Variants in TRIOBP observed in about 807,000 individuals in gnomAD.
TRIOBP encodes the protein TRIO and F-actin binding protein, also known as TRIO and F-actin-binding protein.
A neutral mutation model predicts 238.8 loss-of-function variants in TRIOBP; 169 were observed. That is an observed-to-expected ratio of 0.71 (90% confidence interval 0.62 to 0.80). The LOEUF is 0.80. Ranked by LOEUF, TRIOBP falls within the 30% of genes least tolerant of loss-of-function variation. The pLI, the probability that TRIOBP is intolerant of heterozygous loss-of-function variation, is 0.00. For missense variants in TRIOBP, 2,838 were observed against 3,122.6 expected (o/e 0.91, Z 2.17); for synonymous variants, 1,150 against 1,274.4 (o/e 0.90, Z 2.08).
intron 6 of TRIOBP, 120 bp from the exon 7 acceptor site, chr22:37,723,065 C>T: frequency 1.1e-6 from 1 of 951,944 alleles, no homozygotes; most frequent in Non-Finnish European, 1.6e-6. Flanking sequence ...GACAGTGAGA[C>T]CTGTAGGAGG....
intron 9 of TRIOBP, 104 bp downstream of exon 9, chr22:37,735,546 C>A: frequency 7.4e-7 from 1 of 1,353,416 alleles, no homozygotes. Context: ...CTCCTGCATC[C>A]CCCTCCAGGC....
At chr22:37,706,509 G>A (rs1023041686) in intron 3 of TRIOBP, among the ~76,000 whole-genome samples, 2 of 152,076 alleles carry the variant, frequency 1.3e-5, no homozygotes, top group African/African-American at 4.8e-5. Context: ...CAAGAGAGGG[G>A]GCCAGGCACA....
At position 37,756,460 on chromosome 22, in the gene TRIOBP, C is replaced by T. The variant is rs373146621; in HGVS notation, c.5687+801C>T. ...TAGGTTTCAGAGTCCCCATCTGTCA[C>T]GTTAGCATGTCATGTCTGTACATGT... On this transcript the variant is annotated intron_variant, in intron 15 of 23. Transcript: ENST00000644935. Among the ~76,000 whole-genome samples, 8 of 152,338 alleles carry T rather than the reference C, an allele frequency of 5.3e-5. No individual in the cohort carries two copies. The East Asian group carries it at 9.6e-4, about 18-fold the overall frequency.
Position 37,723,589 on chromosome 22 carries a change from C to T in TRIOBP, c.1033C>T (p.Pro345Ser). 1.2e-6 allele frequency: 2 copies of T among 1,614,118 alleles called. No homozygotes were observed. The highest frequency in any genetic ancestry group is 2.7e-5 in the African/African-American group (2 of 75,010). The change falls in exon 7 of 24, where the codon CCC becomes TCC. Residue 345 changes from proline to serine, a missense_variant. Pro to Ser is a moderately conservative substitution (Grantham distance 74). Coordinates refer to ENST00000644935, the MANE Select transcript of TRIOBP (RefSeq NM_001039141.3). The stretch of plus-strand genomic sequence containing the variant: ...GTGGAACACCCCCAGAGCTTCCTCT[C>T]CCTCACGAAGCACCCAACTGGATAA... ...TQWNTPRASS[P>S]SRSTQLDNPR...
rs530046317 is a variant in TRIOBP at position 37,716,023 on chromosome 22, G to A, written c.628+89G>A. The A allele has an allele frequency of 1.6e-5, 23 of 1,444,934 alleles. 1 individual carries two copies. In the South Asian group the frequency reaches 1.8e-4, roughly 11 times the overall value. The allele number at this position is 1,444,934 out of a possible 1,614,324, so 89.5% of individuals were successfully genotyped here. On this transcript the variant is annotated intron_variant, in intron 6 of 23. Transcript: ENST00000644935. ...ACTGGCCATTTGGGACTCTGGGCACGGCTTACTTTGGTGGCCTGAGTGTTA... is the reference window on the plus strand; with the variant it reads ...ACTGGCCATTTGGGACTCTGGGCACAGCTTACTTTGGTGGCCTGAGTGTTA...
chr22:37,752,021 G>A (rs1925636961), intron 12 of TRIOBP, among the ~76,000 whole-genome samples, 193 bp downstream of exon 12: 1 of 152,124 alleles, frequency 6.6e-6, no homozygotes, highest in African/African-American at 2.4e-5. Context: ...ACAGCAAGGG[G>A]CCGTCTAGCC....
chr22:37,729,534 T>C (rs1330917847), intron 7 of TRIOBP, among the ~76,000 whole-genome samples: 1 of 152,192 alleles, frequency 6.6e-6, no homozygotes, highest in African/African-American at 2.4e-5. Context: ...TTTTCCTAAC[T>C]TTGTCTTAAC....
At chr22:37,753,258 T>G (rs1178809068) in intron 12 of TRIOBP, among the ~76,000 whole-genome samples, 4 of 152,020 alleles carry the variant, frequency 2.6e-5, no homozygotes, top group Non-Finnish European at 4.4e-5. Context: ...TAGGCACTTC[T>G]TTTTTTGTTT....
Position 37,757,750 on chromosome 22 carries a change from C to G in TRIOBP, c.5825C>G (p.Ala1942Gly). 6.4e-7 allele frequency: 1 copy of G among 1,565,858 alleles called. No homozygotes were observed. ...GPRKADGQRQ[A>G]LDYVELSPLT... Reference sequence around the variant, plus strand: ...CGGAAGGCGGACGGGCAGCGTCAGGCCTTGGACTACGTGGAGCTCTCGCCG... The same window carrying G: ...CGGAAGGCGGACGGGCAGCGTCAGGGCTTGGACTACGTGGAGCTCTCGCCG... Residue 1942 changes from alanine (A) to glycine (G), a missense_variant, in exon 16 of 24, where the codon GCC (alanine) becomes GGC (glycine). This residue lies in a region of TRIOBP where 2,096 missense variants were observed against 2,137.4 expected (regional missense o/e 0.98). Coordinates refer to ENST00000644935, the MANE Select transcript of TRIOBP (RefSeq NM_001039141.3).
chr22:37,742,080 C>T (rs1924961871), intron 11 of TRIOBP, among the ~76,000 whole-genome samples: 1 of 151,912 alleles, frequency 6.6e-6, no homozygotes, highest in African/African-American at 2.4e-5. Context: ...GCCTCAGCCT[C>T]CAGAGTAGCT....
chr22:37,713,441 A>G lies in TRIOBP; in HGVS notation c.456+30A>G, dbSNP rs1351711828. 10 of 1,607,466 alleles carry G rather than the reference A, an allele frequency of 6.2e-6. No homozygotes were observed. The Admixed American group carries it at 1.5e-4, about 24-fold the overall frequency. The stretch of plus-strand genomic sequence containing the variant: ...GCCAGGAGTGGGAGTTTGGGGGACA[A>G]GAGTGGCTCACACCTCCATCTGCAG... On this transcript the variant is annotated intron_variant, in intron 5 of 23. Coordinates refer to ENST00000644935, the MANE Select transcript of TRIOBP (RefSeq NM_001039141.3).
chr22:37,723,098 C>T (rs1923917726), intron 6 of TRIOBP, 87 bp from the exon 7 acceptor site: 1 of 1,407,386 alleles, frequency 7.1e-7, no homozygotes, highest in Non-Finnish European at 9.8e-7. Flanking sequence ...TTGCCCTAAT[C>T]ACTGGTCCTA....
intron 19 of TRIOBP, 41 bp downstream of exon 19, chr22:37,768,217 A>G (rs1382019691): frequency 1.9e-6 from 3 of 1,546,306 alleles, no homozygotes; most frequent in South Asian, 1.2e-5. Context: ...CCTGATGGTT[A>G]TGGGTTGAGG....
Position 37,754,910 on chromosome 22 carries a change from T to G in TRIOBP, c.5413T>G (p.Ser1805Ala). 1 of 1,614,138 alleles carries G rather than the reference T, an allele frequency of 6.2e-7. No homozygotes were observed. Among genetic ancestry groups the G allele is most frequent in the South Asian group, 1.1e-5 (1 of 91,090 alleles). ...CCCCTCGCTCACCACCACCTCTACT[T>G]CGCAGTGGAAGAAACATTGGTTTGT... is the stretch of plus-strand genomic sequence containing the variant. ...PSPSLTTTSTSQWKKHWFVLT... is the reference protein window; with the variant it reads ...PSPSLTTTSTAQWKKHWFVLT... Residue 1805 changes from serine (S) to alanine (A), a missense_variant, in exon 13 of 24, where the codon TCG becomes GCG. Coordinates refer to ENST00000644935, the MANE Select transcript of TRIOBP (RefSeq NM_001039141.3).
At chr22:37,754,111 C>G (rs1925777888) in intron 12 of TRIOBP, among the ~76,000 whole-genome samples, 1 of 152,122 alleles carries the variant, frequency 6.6e-6, no homozygotes, top group South Asian at 2.1e-4. Flanking sequence ...GCCTACAGTT[C>G]AAGAAGCAGA....
chr22:37,757,793 G>T lies in TRIOBP; in HGVS notation c.5868G>T (p.Pro1956=), dbSNP rs779949909. Residue 1956 remains proline (P), a synonymous_variant, in exon 16 of 24, where the codon CCG becomes CCT. Transcript: ENST00000644935. ...TCTCGCCGCTGACCCAGGCTTCCCC[G>T]CAGCGGGCCCGCACCCCAGCCCGCA... ...VELSPLTQAS[P]QRARTPARTP... is the part of the protein sequence containing the mutation. 3 of 1,547,724 alleles carry T rather than the reference G, an allele frequency of 1.9e-6. No individual in the cohort carries two copies. Among genetic ancestry groups the T allele is most frequent in the Non-Finnish European group, 2.6e-6 (3 of 1,145,248 alleles).
At chr22:37,745,585 C>G (rs964972285) in intron 11 of TRIOBP, among the ~76,000 whole-genome samples, 5 of 152,212 alleles carry the variant, frequency 3.3e-5, no homozygotes, top group African/African-American at 1.2e-4. Context: ...GAGGAGTGGG[C>G]ATTTGGGAGA....
At chr22:37,743,838 TGTGTGTGCTGG>T (rs1925074139) in intron 11 of TRIOBP, among the ~76,000 whole-genome samples, 1 of 120,310 alleles carries the variant, frequency 8.3e-6, no homozygotes, top group Non-Finnish European at 1.6e-5. Flanking sequence ...TGTGTGTGTG[TGTGTGTGCTGG>T]GTGTGTGTGA....
At position 37,774,516 on chromosome 22, in the gene TRIOBP, G is replaced by A. The variant is rs1926946152; in HGVS notation, c.*736G>A. Reference sequence around the variant, plus strand: ...AATAAAACGTTCCAGCAGCTCTGGTGTCCTAGATGGCTGGCAGAACAGGAA... The same window carrying A: ...AATAAAACGTTCCAGCAGCTCTGGTATCCTAGATGGCTGGCAGAACAGGAA... On this transcript the variant is annotated 3_prime_UTR_variant, in exon 24 of 24. Transcript: ENST00000644935. The A allele has an allele frequency of 1.3e-5, 2 of 152,268 alleles. No homozygotes were observed. The highest frequency in any genetic ancestry group is 1.3e-4 in the Admixed American group (2 of 15,282). 9.4% of individuals were successfully genotyped at this position (152,268 alleles called of 1,614,324 possible). A position where few individuals can be genotyped will look rare whatever the true frequency, so the allele number is the denominator to read the frequency against.
Sources: allele counts gnomAD v4.1 joint callset (sites outside exome capture counted in the v4.1 genomes callset), GRCh38; gene constraint gnomAD v4.1.1; regional missense constraint gnomAD v4.1.1; transcripts MANE v1.5; gene names NCBI Gene and HGNC (gene_info 2026-07-23, HGNC 2026-07-21).